The following DOC2A variants were observed in gnomAD, a reference collection of about 807,000 sequenced individuals.
DOC2A encodes the protein double C2 domain alpha.
A neutral mutation model predicts 40.6 loss-of-function variants in DOC2A; 28 were observed. The ratio of observed to expected loss-of-function variants is 0.69; its 90% confidence interval spans 0.51 to 0.95. The LOEUF (loss-of-function observed/expected upper bound fraction) is 0.95. Among genes scored for constraint, DOC2A ranks in the 40% least tolerant of loss-of-function variants. The pLI is 0.00. For missense variants in DOC2A, 474 were observed against 552.5 expected (o/e 0.86, Z 1.42); for synonymous variants, 241 against 236.9 (o/e 1.02, Z -0.16).
Position 30,010,895 on chromosome 16 carries a change from G to A in DOC2A, c.-14+8C>T. The A allele has an allele frequency of 9.8e-7, 1 of 1,019,948 alleles. No individual in the cohort carries two copies. Among genetic ancestry groups the A allele is most frequent in the Non-Finnish European group, 1.2e-6 (1 of 849,838 alleles). 63.2% of individuals were successfully genotyped at this position (1,019,948 alleles called of 1,614,324 possible). A position where few individuals can be genotyped will look rare whatever the true frequency, so the allele number is the denominator to read the frequency against. ...ACGCCCCCGGCCTGCCCAGCCCCCT[G>A]CACCTGCCTCTGCCTCCAACAGGTG... On this transcript the variant is annotated splice_region_variant and intron_variant, in intron 1 of 10. Transcript: ENST00000350119. The surrounding 1 kb of genome is among the most constrained non-coding windows in gnomAD (Gnocchi z 4.2).
At chr16:30,011,321 C>A, upstream of DOC2A, 1 of 984,674 alleles carries the variant, frequency 1.0e-6, no homozygotes. Flanking sequence ...CGCGCGCTGG[C>A]ACACTTACCC....
intron 5 of DOC2A, chr16:30,008,343 C>T (rs1456223836): frequency 1.3e-5 from 2 of 156,842 alleles, no homozygotes; most frequent in African/African-American, 4.8e-5. Context: ...GTCTCGGCAA[C>T]CCAGGAACGT....
chr16:30,013,061 C>T (rs761629376), upstream of DOC2A, among the ~76,000 whole-genome samples: 22 of 148,336 alleles, frequency 1.5e-4, no homozygotes, highest in Admixed American at 2.8e-4. Flanking sequence ...ATGGGCAAAG[C>T]CAAAGTGTCT....
rs368624440 is a variant in DOC2A, at chr16:30,007,395, A to G, written c.528-96T>C. On this transcript the variant is annotated intron_variant, in intron 5 of 10. Transcript: ENST00000350119. ...GGACCAGCCCAGCTCTGCCCTAAAC[A>G]CTACGTCTCATCTGGAAGACAGGCT... The G allele has an allele frequency of 4.8e-5, 75 of 1,557,100 alleles. 1 individual carries two copies. In the South Asian group the frequency reaches 7.7e-4, roughly 16 times the overall value.
At position 30,010,379 on chromosome 16, in the gene DOC2A, G is replaced by T; in HGVS notation, c.-13-144C>A. The T allele has an allele frequency of 8.4e-7, 1 of 1,186,722 alleles. No individual in the cohort carries two copies. Among genetic ancestry groups the T allele is most frequent in the Non-Finnish European group, 1.2e-6 (1 of 822,192 alleles). The allele number at this position is 1,186,722 out of a possible 1,614,324, so 73.5% of individuals were successfully genotyped here. On this transcript the variant is annotated intron_variant, in intron 1 of 10. Coordinates refer to ENST00000350119, the MANE Select transcript of DOC2A (RefSeq NM_003586.3). This position sits in a 1 kb window ranked among gnomAD's most constrained non-coding sequence, Gnocchi z 4.2. The stretch of plus-strand genomic sequence containing the variant: ...GAGAGGGTGGTGTGTGCCAGCCGGT[G>T]GCAGGTGGGAGGCCTGGGCCCTGCA...
intron 5 of DOC2A, chr16:30,008,718 C>A: frequency 2.5e-6 from 1 of 392,530 alleles, no homozygotes; most frequent in East Asian, 5.7e-5. Flanking sequence ...GTTGGCCAGG[C>A]TGGTCTTGAA....
In DOC2A at chr16:30,006,086, G is replaced by A; in HGVS notation, c.*100C>T. On this transcript the variant is annotated 3_prime_UTR_variant, in exon 11 of 11. Transcript: ENST00000350119. The surrounding 1 kb of genome is among the most constrained non-coding windows in gnomAD (Gnocchi z 6.2). The stretch of plus-strand genomic sequence containing the variant: ...AGACTCACAAAAATAGGTAGTGCAG[G>A]GTGGGGGCAGCCCACCCTGTGTAAA... The A allele has an allele frequency of 7.3e-7, 1 of 1,377,712 alleles. No individual in the cohort carries two copies. Among genetic ancestry groups the A allele is most frequent in the East Asian group, 2.5e-5 (1 of 39,658 alleles). The allele number at this position is 1,377,712 out of a possible 1,614,324, so 85.3% of individuals were successfully genotyped here.
intron 1 of DOC2A, among the ~76,000 whole-genome samples, chr16:30,017,920 A>T (rs2070870296): frequency 6.7e-6 from 1 of 150,302 alleles, no homozygotes; most frequent in African/African-American, 2.5e-5. Context: ...AGATCGTGCC[A>T]CTGCACTCCA....
chr16:30,019,294 G>C lies in DOC2A; in HGVS notation c.-376+1889C>G, dbSNP rs369972935. Among the ~76,000 whole-genome samples the C allele has an allele frequency of 1.0e-3, 157 of 152,262 alleles. 1 individual carries two copies. Among genetic ancestry groups the C allele is most frequent in the African/African-American group, 3.7e-3 (152 of 41,554 alleles). On this transcript the variant is annotated intron_variant, in intron 1 of 5. Coordinates refer to the DOC2A transcript ENST00000574405. ...GATCGCGCCACTGCACTCCAGCCTG[G>C]GTGACTGAATGAGACTCCATCTCAG...
chr16:30,011,054 G>T, upstream of DOC2A: 3 of 984,336 alleles, frequency 3.0e-6, no homozygotes, highest in Middle Eastern at 5.2e-4. Context: ...GCGAGGTGGA[G>T]GCGAGGATGC....
Position 30,009,330 on chromosome 16 carries a change from C to T in DOC2A, c.343-54G>A, listed in dbSNP as rs1007306841. ...GAGGCTCCCGGCACCTCTCTCCATC[C>T]CTCTTGTAGAGCTGGACCCTGGAGG... is the stretch of plus-strand genomic sequence containing the variant. On this transcript the variant is annotated intron_variant, in intron 3 of 10. Transcript: ENST00000350119. The surrounding 1 kb of genome is among the most constrained non-coding windows in gnomAD (Gnocchi z 4.1). 17 of 1,518,510 alleles carry T rather than the reference C, an allele frequency of 1.1e-5. No individual in the cohort carries two copies. The East Asian group carries it at 1.5e-4, about 13-fold the overall frequency. The allele number at this position is 1,518,510 out of a possible 1,614,324, so 94.1% of individuals were successfully genotyped here.
Position 30,010,538 on chromosome 16 carries a change from G to A in DOC2A, c.-13-303C>T, listed in dbSNP as rs2070750627. On this transcript the variant is annotated intron_variant, in intron 1 of 10. Transcript: ENST00000350119. This position sits in a 1 kb window ranked among gnomAD's most constrained non-coding sequence, Gnocchi z 4.2. Reference sequence around the variant, plus strand: ...TCTTGCCAGCTCCTTCCTCTCCTCCGGGGCTCCCCTCTGCTCCTGAGCCTG... The same window carrying A: ...TCTTGCCAGCTCCTTCCTCTCCTCCAGGGCTCCCCTCTGCTCCTGAGCCTG... The A allele has an allele frequency of 1.3e-5, 6 of 458,052 alleles. No homozygotes were observed. The highest frequency in any genetic ancestry group is 2.4e-5 in the Non-Finnish European group (6 of 247,608). The allele number at this position is 458,052 out of a possible 1,614,324, so 28.4% of individuals were successfully genotyped here. A position where few individuals can be genotyped will look rare whatever the true frequency, so the allele number is the denominator to read the frequency against.
chr16:30,009,007 G>A lies in DOC2A; in HGVS notation c.516C>T (p.His172=), dbSNP rs979698389. ...AGGGGGGCCCTCACCTGAGCACCTTGTGCGTGATGTCGTCATCTGTGATCC... is the reference window on the plus strand; with the variant it reads ...AGGGGGGCCCTCACCTGAGCACCTTATGCGTGATGTCGTCATCTGTGATCC... ...YSGITDDDIT[H]KVLRIAVCDE... Residue 172 remains histidine (H), a synonymous_variant, in exon 5 of 11, where the codon CAC becomes CAT. Coordinates refer to ENST00000350119, the MANE Select transcript of DOC2A (RefSeq NM_003586.3). The surrounding 1 kb of genome is among the most constrained non-coding windows in gnomAD (Gnocchi z 4.1). 2.5e-6 allele frequency: 4 copies of A among 1,612,860 alleles called. No individual in the cohort carries two copies. The highest frequency in any genetic ancestry group is 1.7e-5 in the Admixed American group (1 of 60,000).
At position 30,010,904 on chromosome 16, in the gene DOC2A, T is replaced by C; in HGVS notation, c.-15A>G. On this transcript the variant is annotated splice_region_variant and 5_prime_UTR_variant, in exon 1 of 11. Transcript: ENST00000350119. The surrounding 1 kb of genome is among the most constrained non-coding windows in gnomAD (Gnocchi z 4.2). ...GCCTGCCCAGCCCCCTGCACCTGCC[T>C]CTGCCTCCAACAGGTGCCCAGGCAC... 1 of 1,019,714 alleles carries C rather than the reference T, an allele frequency of 9.8e-7. No homozygotes were observed. Among genetic ancestry groups the C allele is most frequent in the Non-Finnish European group, 1.2e-6 (1 of 849,840 alleles). The allele number at this position is 1,019,714 out of a possible 1,614,324, so 63.2% of individuals were successfully genotyped here.
upstream of DOC2A, chr16:30,011,566 G>T (rs1219701583): frequency 4.0e-6 from 1 of 248,640 alleles, no homozygotes; most frequent in Non-Finnish European, 6.2e-6. Context: ...GCGTCTTCAC[G>T]CCCCTCCCCC....
At chr16:30,011,369 G>A, upstream of DOC2A, 1 of 985,258 alleles carries the variant, frequency 1.0e-6, no homozygotes, top group Non-Finnish European at 1.2e-6. Flanking sequence ...CAAACACGCG[G>A]GCTCCCTGCG....
At chr16:30,013,603 C>CAAAAAAAAAAAAAAAAAAAAAAAAAAAAA (rs61309249), upstream of DOC2A, 2 of 34,890 alleles carry the variant, frequency 5.7e-5, no homozygotes, top group Admixed American at 2.6e-4. Flanking sequence ...GACCCTGTCT[C>CAAAAAAAAAAAAAAAAAAAAAAAAAAAAA]AAAAAAAAAA....
chr16:30,009,261 C>G lies in DOC2A; in HGVS notation c.358G>C (p.Asp120His). Residue 120 changes from aspartate to histidine, a missense_variant, in exon 4 of 11, where the codon GAT becomes CAT. Coordinates refer to ENST00000350119, the MANE Select transcript of DOC2A (RefSeq NM_003586.3). The surrounding 1 kb of genome is among the most constrained non-coding windows in gnomAD (Gnocchi z 4.1). ...ILRAKGLKPM[D>H]FNGLADPYVK... is the part of the protein sequence containing the mutation. ...TAGGGGTCGGCGAGGCCATTGAAATCCATGGGCTTGAGGCCCTGGAGAGGA... is the reference window on the plus strand; with the variant it reads ...TAGGGGTCGGCGAGGCCATTGAAATGCATGGGCTTGAGGCCCTGGAGAGGA... The G allele has an allele frequency of 6.4e-7, 1 of 1,561,648 alleles. No homozygotes were observed. Among genetic ancestry groups the G allele is most frequent in the African/African-American group, 1.4e-5 (1 of 73,674 alleles).
Position 30,006,956 on chromosome 16 carries a change from G to A in DOC2A, c.715-8C>T, listed in dbSNP as rs200746766. The A allele has an allele frequency of 1.9e-6, 3 of 1,613,582 alleles. No individual in the cohort carries two copies. The highest frequency in any genetic ancestry group is 1.3e-5 in the African/African-American group (1 of 75,032). ...CTGCTCCGCCTGCTCCAACTGCGGG[G>A]CACAGACTCAGGGTCAGCCTGGGCC... is the stretch of plus-strand genomic sequence containing the variant. On this transcript the variant is annotated splice_polypyrimidine_tract_variant and splice_region_variant and intron_variant, in intron 7 of 10. Coordinates refer to ENST00000350119, the MANE Select transcript of DOC2A (RefSeq NM_003586.3). This position sits in a 1 kb window ranked among gnomAD's most constrained non-coding sequence, Gnocchi z 6.2.
Sources: allele counts gnomAD v4.1 joint callset (sites outside exome capture counted in the v4.1 genomes callset), GRCh38; gene constraint gnomAD v4.1.1; non-coding constraint Gnocchi (gnomAD v3.1); transcripts MANE v1.5; gene names NCBI Gene and HGNC (gene_info 2026-07-23, HGNC 2026-07-21).